The following PPID variants were observed in gnomAD, a reference collection of about 807,000 sequenced individuals.
PPID encodes the protein peptidyl-prolyl cis-trans isomerase D.
A neutral mutation model predicts 48.1 loss-of-function variants in PPID; 47 were observed. That is an observed-to-expected ratio of 0.98 (90% CI 0.77 to 1.25). The LOEUF (loss-of-function observed/expected upper bound fraction) is 1.25. PPID is among the 50% of genes most tolerant of loss of function. The pLI is 0.00. For missense variants in PPID, 429 were observed against 443.5 expected (o/e 0.97, Z 0.29); for synonymous variants, 163 against 148.8 (o/e 1.10, Z -0.69).
Position 158,717,193 on chromosome 4 carries a change from C to T in PPID, c.341G>A (p.Arg114Gln), listed in dbSNP as rs1456649301. ...ATTTGCCATGCTCAGTAAACCCTCC[C>T]GATCATGCTGTAGAAATAAAAATTA... ...EDENFHYKHD[R>Q]EGLLSMANAG... The change falls in exon 4 of 10, where the codon CGG becomes CAG. Residue 114 changes from arginine to glutamine, a missense_variant. Physicochemically the swap from Arg to Gln is conservative, Grantham distance 43. Coordinates refer to ENST00000307720, the MANE Select transcript of PPID (RefSeq NM_005038.3). The T allele has an allele frequency of 9.3e-6, 15 of 1,608,042 alleles. No homozygotes were observed. Among genetic ancestry groups the T allele is most frequent in the Middle Eastern group, 1.6e-4 (1 of 6,072 alleles).
Position 158,721,442 on chromosome 4 carries a change from T to G in PPID, c.127A>C (p.Lys43Gln), listed in dbSNP as rs1165501560. Residue 43 changes from lysine (K) to glutamine (Q), a missense_variant, in exon 2 of 10, where the codon AAA (lysine) becomes CAA (glutamine). Coordinates refer to ENST00000307720, the MANE Select transcript of PPID (RefSeq NM_005038.3). ...AGTGCACGAAAATTTTCCGCAGTTT[T>G]GGGTACGATATCTGCAAACAATTCT... ...VLELFADIVP[K>Q]TAENFRALCT... 1 of 1,614,162 alleles carries G rather than the reference T, an allele frequency of 6.2e-7. No homozygotes were observed. Among genetic ancestry groups the G allele is most frequent in the Admixed American group, 1.7e-5 (1 of 60,024 alleles).
At chr4:158,714,377 A>C (rs573541761) in intron 6 of PPID, among the ~76,000 whole-genome samples, 1 of 152,316 alleles carries the variant, frequency 6.6e-6, no homozygotes. Flanking sequence ...TTGCCAAAAT[A>C]TTTCACCTCA....
intron 1 of PPID, among the ~76,000 whole-genome samples, chr4:158,722,535 C>T (rs1774980416): frequency 6.6e-6 from 1 of 152,204 alleles, no homozygotes; most frequent in Non-Finnish European, 1.5e-5. Flanking sequence ...CATTGCCTGG[C>T]CAGCAATTCC....
Position 158,710,839 on chromosome 4 carries a change from G to T in PPID, c.904C>A (p.Leu302Ile), listed in dbSNP as rs9410. The change falls in exon 8 of 10, where the codon CTA (leucine) becomes ATA (isoleucine). Residue 302 changes from leucine (L) to isoleucine (I), a missense_variant. By Grantham distance (5) the Leu-to-Ile change is conservative. Transcript: ENST00000307720. ...AIDSCLEALE[L>I]DPSNTKALYR... The stretch of plus-strand genomic sequence containing the variant: ...AATGCTTTGGTATTTGATGGGTCTA[G>T]TTCAAGAGCCTACAAAAAAGTATAA... 463,201 of 1,606,638 alleles carry T rather than the reference G, an allele frequency of 0.29. 68,939 individuals carry two copies. Among genetic ancestry groups the T allele is most frequent in the African/African-American group, 0.37 (27,467 of 74,724 alleles).
intron 1 of PPID, among the ~76,000 whole-genome samples, chr4:158,722,645 C>T (rs772748210): frequency 6.6e-6 from 1 of 152,208 alleles, no homozygotes; most frequent in Non-Finnish European, 1.5e-5. Context: ...CTAGGCAACA[C>T]CATCACTACG....
In PPID at chr4:158,709,695, AT is replaced by A; in HGVS notation, c.*40del. 1 of 1,423,348 alleles carries A rather than the reference AT, an allele frequency of 7.0e-7. No homozygotes were observed. 88.2% of individuals were successfully genotyped at this position (1,423,348 alleles called of 1,614,324 possible). ...AAAAACCTTTACATTTTCTTATTGCATTTATACAATCAACACACAATAAGCA... is the reference window on the plus strand; with the variant it reads ...AAAAACCTTTACATTTTCTTATTGCATTATACAATCAACACACAATAAGCA... On this transcript the variant is annotated 3_prime_UTR_variant, in exon 10 of 10. Coordinates refer to ENST00000307720, the MANE Select transcript of PPID (RefSeq NM_005038.3).
intron 2 of PPID, 83 bp downstream of exon 2, chr4:158,721,259 CT>C: frequency 2.0e-6 from 3 of 1,488,888 alleles, no homozygotes; most frequent in Non-Finnish European, 2.8e-6. Context: ...GCTTCACTTC[CT>C]ACTTAGTGTT....
At chr4:158,719,567 C>T (rs774140101) in intron 2 of PPID, among the ~76,000 whole-genome samples, 2 of 152,198 alleles carry the variant, frequency 1.3e-5, no homozygotes, top group Non-Finnish European at 2.9e-5. Context: ...AGCTGTATGT[C>T]CTAATTTTTC....
At chr4:158,721,259 CTACT>C (rs1415129698) in intron 2 of PPID, 80 bp downstream of exon 2, 2 of 1,488,770 alleles carry the variant, frequency 1.3e-6, no homozygotes, top group African/African-American at 1.4e-5. Context: ...GCTTCACTTC[CTACT>C]TAGTGTTTTC....
rs1336296369 is a variant in PPID, at chr4:158,721,262, CT to C, written c.226+80del. The stretch of plus-strand genomic sequence containing the variant: ...AGTACTTTTTAAGCTTCACTTCCTA[CT>C]TAGTGTTTTCTTCCCCAAATCCTAA... On this transcript the variant is annotated intron_variant, in intron 2 of 9. Coordinates refer to ENST00000307720, the MANE Select transcript of PPID (RefSeq NM_005038.3). 5.3e-6 allele frequency: 8 copies of C among 1,499,932 alleles called. No individual in the cohort carries two copies. In the African/African-American group the frequency reaches 1.1e-4, roughly 21 times the overall value. The allele number at this position is 1,499,932 out of a possible 1,614,324, so 92.9% of individuals were successfully genotyped here.
intron 7 of PPID, among the ~76,000 whole-genome samples, chr4:158,712,053 C>G (rs1302484235): frequency 6.6e-6 from 1 of 152,184 alleles, no homozygotes; most frequent in Non-Finnish European, 1.5e-5. Flanking sequence ...CTTATTCCAT[C>G]TACCCTACAA....
At position 158,715,554 on chromosome 4, in the gene PPID, G is replaced by C. The variant is rs1225632079; in HGVS notation, c.645+8C>G. 6.2e-7 allele frequency: 1 copy of C among 1,613,294 alleles called. No homozygotes were observed. Among genetic ancestry groups the C allele is most frequent in the Non-Finnish European group, 8.5e-7 (1 of 1,179,474 alleles). On this transcript the variant is annotated splice_region_variant and intron_variant, in intron 5 of 9. Transcript: ENST00000307720. Reference sequence around the variant, plus strand: ...TAATTAAAGTTTGACTAATCTGAAAGTACTCACATCTTTTAAATCTATATC... The same window carrying C: ...TAATTAAAGTTTGACTAATCTGAAACTACTCACATCTTTTAAATCTATATC...
chr4:158,721,413 A>T lies in PPID; in HGVS notation c.156T>A (p.Cys52Ter), dbSNP rs1774957301. ...PKTAENFRAL[C>*]TGEKGIGHTT... ...TGTGTCCAATGCCTTTTTCTCCTGT[A>T]CACAGTGCACGAAAATTTTCCGCAG... The change falls in exon 2 of 10, where the codon TGT (cysteine) becomes TGA (stop). Residue 52 changes from cysteine to a stop codon, truncating the protein, a stop_gained. Coordinates refer to ENST00000307720, the MANE Select transcript of PPID (RefSeq NM_005038.3). LOFTEE classifies it high-confidence loss of function. The T allele has an allele frequency of 2.5e-6, 4 of 1,614,058 alleles. No individual in the cohort carries two copies. The highest frequency in any genetic ancestry group is 3.4e-6 in the Non-Finnish European group (4 of 1,179,914).
At chr4:158,712,812 T>TA (rs1356232894) in intron 7 of PPID, among the ~76,000 whole-genome samples, 4 of 152,112 alleles carry the variant, frequency 2.6e-5, no homozygotes, top group Non-Finnish European at 5.9e-5. Flanking sequence ...ACCCACATCT[T>TA]AATCATTTCT....
intron 4 of PPID, 96 bp downstream of exon 4, chr4:158,716,916 G>T: frequency 1.6e-6 from 2 of 1,264,080 alleles, no homozygotes; most frequent in Non-Finnish European, 1.1e-6. Flanking sequence ...AGCCGAGACC[G>T]CACCACTGCA....
At chr4:158,716,611 A>G (rs912620592) in intron 4 of PPID, among the ~76,000 whole-genome samples, 3 of 151,308 alleles carry the variant, frequency 2.0e-5, no homozygotes, top group Non-Finnish European at 4.4e-5. Context: ...CAAAATTATT[A>G]TAACATTTTT....
Position 158,719,330 on chromosome 4 carries a change from C to T in PPID, c.227-44G>A, listed in dbSNP as rs187602149. On this transcript the variant is annotated intron_variant, in intron 2 of 9. Transcript: ENST00000307720. ...GCTATTAGTGACTGAGACATGGATG[C>T]CTTTAGCAATGCTTACTAATGGATA... The T allele has an allele frequency of 3.8e-5, 49 of 1,283,838 alleles. No homozygotes were observed. The East Asian group carries it at 7.4e-4, about 19-fold the overall frequency. The allele number at this position is 1,283,838 out of a possible 1,614,324, so 79.5% of individuals were successfully genotyped here.
At position 158,709,627 on chromosome 4, in the gene PPID, C is replaced by G. The variant is rs566915150; in HGVS notation, c.*109G>C. The G allele has an allele frequency of 2.7e-6, 2 of 754,498 alleles. No homozygotes were observed. The highest frequency in any genetic ancestry group is 1.8e-5 in the South Asian group (1 of 55,900). The allele number at this position is 754,498 out of a possible 1,614,324, so 46.7% of individuals were successfully genotyped here. The stretch of plus-strand genomic sequence containing the variant: ...CTCCTAAACTGTAAACAGTAAGGAA[C>G]TAAGGTGTCAAAAGAAACACATTAG... On this transcript the variant is annotated 3_prime_UTR_variant, in exon 10 of 10. Coordinates refer to ENST00000307720, the MANE Select transcript of PPID (RefSeq NM_005038.3).
chr4:158,720,859 C>T (rs1196671437), intron 2 of PPID, among the ~76,000 whole-genome samples: 1 of 151,904 alleles, frequency 6.6e-6, no homozygotes, highest in Admixed American at 6.6e-5. Context: ...GGACTACAGG[C>T]GCCCACCATC....
Sources: allele counts gnomAD v4.1 joint callset (sites outside exome capture counted in the v4.1 genomes callset), GRCh38; gene constraint gnomAD v4.1.1; transcripts MANE v1.5; gene names NCBI Gene and HGNC (gene_info 2026-07-23, HGNC 2026-07-21).